CRTAP: variants seen among roughly 807,000 people sequenced by gnomAD.
The protein encoded by CRTAP is cartilage associated protein.
Under a neutral mutation model 42.7 loss-of-function variants are expected in CRTAP, and 33 were observed. The ratio of observed to expected loss-of-function variants is 0.77; its 90% CI spans 0.59 to 1.03. CRTAP has a LOEUF of 1.03. Ranked by LOEUF, CRTAP falls within the 50% of genes least tolerant of loss-of-function variation. The pLI is 0.00. For synonymous variants in CRTAP, 243 were observed against 217.7 expected, an observed-to-expected ratio of 1.12 and a Z score of -1.02; for missense variants, 613 against 533.9, an observed-to-expected ratio of 1.15 and a Z score of -1.46.
At chr3:33,122,249 G>T (rs1297084286) in intron 2 of CRTAP, among the ~76,000 whole-genome samples, 1 of 151,934 alleles carries the variant, frequency 6.6e-6, no homozygotes, top group African/African-American at 2.4e-5. Flanking sequence ...GTGATCAGGG[G>T]CCTCCTCTTT....
At chr3:33,120,882 C>T (rs1314217049) in intron 2 of CRTAP, among the ~76,000 whole-genome samples, 7 of 152,092 alleles carry the variant, frequency 4.6e-5, no homozygotes, top group African/African-American at 7.2e-5. Context: ...TGCACACAAA[C>T]GCACCCTAAA....
intron 1 of CRTAP, 74 bp downstream of exon 1, chr3:33,114,622 GC>G: frequency 7.1e-7 from 1 of 1,410,280 alleles, no homozygotes; most frequent in Non-Finnish European, 9.7e-7. Context: ...CCCCGCCCCT[GC>G]GCCCGGGGCC....
At chr3:33,122,437 C>T (rs74461986) in intron 2 of CRTAP, among the ~76,000 whole-genome samples, 6,490 of 151,890 alleles carry the variant, frequency 0.043, 415 homozygotes, top group African/African-American at 0.14. Context: ...CGGCCAGGCG[C>T]GGTCCTCATG....
chr3:33,135,406 T>C (rs1418643569), intron 6 of CRTAP, among the ~76,000 whole-genome samples: 1 of 152,176 alleles, frequency 6.6e-6, no homozygotes, highest in African/African-American at 2.4e-5. Flanking sequence ...AGCAGGTGAT[T>C]GCTTGAGACC....
intron 1 of CRTAP, among the ~76,000 whole-genome samples, chr3:33,118,461 CA>C (rs1701373243): frequency 6.6e-6 from 1 of 152,220 alleles, no homozygotes; most frequent in Admixed American, 6.5e-5. Flanking sequence ...CCCAAAACAT[CA>C]GCATTGACAT....
In CRTAP at chr3:33,139,092, C is replaced by T. The variant is rs569695791; in HGVS notation, c.1153-3303C>T. On this transcript the variant is annotated intron_variant, in intron 6 of 6. Coordinates refer to ENST00000320954, the MANE Select transcript of CRTAP (RefSeq NM_006371.5). ...CCAGGAGGTGGAGGTTGCAGTGAGC[C>T]GAGATCACACCACTGTACTGTAGCC... 3.3e-5 allele frequency among the ~76,000 whole-genome samples: 5 copies of T among 151,526 alleles called. No homozygotes were observed. The East Asian group carries it at 5.8e-4, about 18-fold the overall frequency.
At chr3:33,118,283 G>A (rs1337645819) in intron 1 of CRTAP, among the ~76,000 whole-genome samples, 2 of 152,152 alleles carry the variant, frequency 1.3e-5, no homozygotes, top group African/African-American at 4.8e-5. Flanking sequence ...TCTAAGTGCT[G>A]TTCTGAGAAT....
At chr3:33,130,961 G>C (rs535745366) in intron 4 of CRTAP, among the ~76,000 whole-genome samples, 3 of 152,156 alleles carry the variant, frequency 2.0e-5, no homozygotes, top group Non-Finnish European at 4.4e-5. Flanking sequence ...CAGAGCCTGC[G>C]TGTTTCGGCT....
At chr3:33,142,256 G>A in intron 6 of CRTAP, 139 bp from the exon 7 acceptor site, 2 of 766,680 alleles carry the variant, frequency 2.6e-6, no homozygotes, top group Non-Finnish European at 4.5e-6. Context: ...CAGGTCCTCT[G>A]GGCCCCAGAC....
intron 4 of CRTAP, among the ~76,000 whole-genome samples, chr3:33,130,886 A>G (rs1232019305): frequency 1.3e-5 from 2 of 152,236 alleles, no homozygotes; most frequent in East Asian, 1.9e-4. Flanking sequence ...GAGTTTCTCA[A>G]TCAGAACGTT....
At position 33,147,061 on chromosome 3, in the gene CRTAP, G is replaced by C. The variant is rs1235438931; in HGVS notation, c.*4613G>C. ...CAGCTGTCTGAACTCTTGATCATCTGCCATCCCCCAAACAGTGACTTCTTT... is the reference window on the plus strand; with the variant it reads ...CAGCTGTCTGAACTCTTGATCATCTCCCATCCCCCAAACAGTGACTTCTTT... On this transcript the variant is annotated 3_prime_UTR_variant, in exon 7 of 7. Coordinates refer to ENST00000320954, the MANE Select transcript of CRTAP (RefSeq NM_006371.5). 1 of 152,648 alleles carries C rather than the reference G, an allele frequency of 6.6e-6. No individual in the cohort carries two copies. The highest frequency in any genetic ancestry group is 2.4e-5 in the African/African-American group (1 of 41,438). 9.5% of individuals were successfully genotyped at this position (152,648 alleles called of 1,614,324 possible).
At chr3:33,118,854 C>T (rs1406665132) in intron 1 of CRTAP, among the ~76,000 whole-genome samples, 1 of 152,218 alleles carries the variant, frequency 6.6e-6, no homozygotes, top group African/African-American at 2.4e-5. Context: ...CCTGTTCTTC[C>T]TGAGGACTTC....
chr3:33,114,044 T>C lies in CRTAP; in HGVS notation c.-34T>C. 7.0e-7 allele frequency: 1 copy of C among 1,421,344 alleles called. No homozygotes were observed. The highest frequency in any genetic ancestry group is 9.2e-7 in the Non-Finnish European group (1 of 1,082,694). The allele number at this position is 1,421,344 out of a possible 1,614,324, so 88.0% of individuals were successfully genotyped here. A position where few individuals can be genotyped will look rare whatever the true frequency, so the allele number is the denominator to read the frequency against. ...CCTTCTCCCTCCCCTTTTCCCTTCC[T>C]TCGTCCCTTCCTTCCTTCCTTTCGC... is the stretch of plus-strand genomic sequence containing the variant. On this transcript the variant is annotated 5_prime_UTR_variant, in exon 1 of 7. Transcript: ENST00000320954.
chr3:33,118,279 T>A (rs902950732), intron 1 of CRTAP, among the ~76,000 whole-genome samples: 2 of 152,334 alleles, frequency 1.3e-5, no homozygotes, highest in East Asian at 1.9e-4. Flanking sequence ...TCTTTCTAAG[T>A]GCTGTTCTGA....
At chr3:33,136,721 C>CTCTTTTAAACAACTAGA (rs1161158414) in intron 6 of CRTAP, among the ~76,000 whole-genome samples, 8 of 152,278 alleles carry the variant, frequency 5.3e-5, no homozygotes, top group Middle Eastern at 3.4e-3. Context: ...GCATGCCACA[C>CTCTTTTAAACAACTAGA]TCTTTTAAAC....
intron 1 of CRTAP, 46 bp from the exon 2 acceptor site, chr3:33,120,298 C>T: frequency 6.5e-7 from 1 of 1,529,264 alleles, no homozygotes; most frequent in South Asian, 1.1e-5. Flanking sequence ...ACAAAAATTA[C>T]CACTTAGCAT....
chr3:33,143,307 C>T lies in CRTAP; in HGVS notation c.*859C>T, dbSNP rs1256786468. 6.6e-6 allele frequency: 1 copy of T among 152,258 alleles called. No homozygotes were observed. The highest frequency in any genetic ancestry group is 1.9e-4 in the East Asian group (1 of 5,200). 9.4% of individuals were successfully genotyped at this position (152,258 alleles called of 1,614,324 possible). Reference sequence around the variant, plus strand: ...TCACTTGGTCTGACTTGTACCAATTCTAGCACCCACTGAAAAACAAGTTGA... The same window carrying T: ...TCACTTGGTCTGACTTGTACCAATTTTAGCACCCACTGAAAAACAAGTTGA... On this transcript the variant is annotated 3_prime_UTR_variant, in exon 7 of 7. Transcript: ENST00000320954.
At chr3:33,114,579 G>A in intron 1 of CRTAP, 31 bp downstream of exon 1, 1 of 1,549,606 alleles carries the variant, frequency 6.5e-7, no homozygotes, top group Non-Finnish European at 8.7e-7. Flanking sequence ...CCCAGGCCCC[G>A]GCCCCGCCCC....
At chr3:33,126,452 G>A (rs964067582) in intron 3 of CRTAP, among the ~76,000 whole-genome samples, 6 of 152,052 alleles carry the variant, frequency 3.9e-5, no homozygotes, top group Admixed American at 2.6e-4. Flanking sequence ...CTTGTAAATC[G>A]GTAATTGGAT....
Sources: gnomAD v4.1 joint callset for allele counts (sites outside exome capture counted in the v4.1 genomes callset) on GRCh38, gnomAD v4.1.1 for gene constraint, MANE v1.5 for transcripts, NCBI Gene and HGNC (gene_info 2026-07-23, HGNC 2026-07-21) for gene names.